The following DAB1 variants were observed in gnomAD, a reference collection of about 807,000 sequenced individuals.
DAB1 encodes the protein disabled homolog 1.
In DAB1, 15 loss-of-function variants were observed where a neutral mutation model predicts 64.6. That is an observed-to-expected ratio of 0.23 (90% CI 0.16 to 0.36). The LOEUF is 0.36. Among genes scored for constraint, DAB1 ranks in the 10% least tolerant of loss-of-function variants. DAB1 has a pLI of 1.00. For missense variants in DAB1, 596 were observed against 706.7 expected, an observed-to-expected ratio of 0.84 and a Z score of 1.78; for synonymous variants, 235 against 251.9, an observed-to-expected ratio of 0.93 and a Z score of 0.64.
chr1:57,265,979 T>C (rs1025294485), intron 2 of DAB1, among the ~76,000 whole-genome samples: 1 of 152,118 alleles, frequency 6.6e-6, no homozygotes, highest in African/African-American at 2.4e-5. Context: ...TGCAGTAAAA[T>C]TCACTTACCC....
chr1:57,259,225 C>T (rs1669992207), intron 2 of DAB1, among the ~76,000 whole-genome samples: 1 of 152,272 alleles, frequency 6.6e-6, no homozygotes, highest in South Asian at 2.1e-4. Flanking sequence ...CCAAGAAACT[C>T]TAGTAAGACC....
intron 2 of DAB1, among the ~76,000 whole-genome samples, chr1:57,217,384 T>A (rs1366749035): frequency 6.6e-6 from 1 of 152,256 alleles, no homozygotes; most frequent in Admixed American, 6.5e-5. Context: ...CTTGCTAGAA[T>A]GAATTGGGCA....
chr1:57,564,361 T>C (rs1645090644), intron 7 of DAB1, among the ~76,000 whole-genome samples: 1 of 151,716 alleles, frequency 6.6e-6, no homozygotes, highest in South Asian at 2.1e-4. Flanking sequence ...AAGCTGAAAA[T>C]TCTAAAAATC....
chr1:57,426,859 A>AATATATATATATATATATATATATAT (rs998763894), upstream of DAB1, among the ~76,000 whole-genome samples: 2 of 122,792 alleles, frequency 1.6e-5, no homozygotes, highest in Non-Finnish European at 3.7e-5. Flanking sequence ...TAAATGAGAT[A>AATATATATATATATATATATATATAT]ATATATATAT....
intron 1 of DAB1, among the ~76,000 whole-genome samples, chr1:57,874,722 G>A (rs1416837983): frequency 1.3e-5 from 2 of 152,164 alleles, no homozygotes; most frequent in East Asian, 1.9e-4. Flanking sequence ...ATGCTCAGAA[G>A]AGTGATGGTC....
chr1:56,998,766 C>G (rs1363443115), intron 14 of DAB1, among the ~76,000 whole-genome samples: 1 of 152,180 alleles, frequency 6.6e-6, no homozygotes, highest in Non-Finnish European at 1.5e-5. Flanking sequence ...CTGAGCCCTC[C>G]ACTTTGGCCA....
At chr1:57,700,126 C>G (rs1040430726) in intron 6 of DAB1, among the ~76,000 whole-genome samples, 2 of 152,112 alleles carry the variant, frequency 1.3e-5, no homozygotes, top group African/African-American at 4.8e-5. Context: ...TCCTCATGTG[C>G]TACCGGTCAT....
intron 2 of DAB1, among the ~76,000 whole-genome samples, chr1:58,522,591 T>C (rs1646282048): frequency 6.6e-6 from 1 of 150,592 alleles, no homozygotes; most frequent in Non-Finnish European, 1.5e-5. Context: ...CAGTTGACCC[T>C]TGAACAACAT....
At chr1:57,651,208 T>C (rs1402045837) in intron 6 of DAB1, among the ~76,000 whole-genome samples, 1 of 151,864 alleles carries the variant, frequency 6.6e-6, no homozygotes, top group Non-Finnish European at 1.5e-5. Context: ...AAAGTCAATA[T>C]AATAAAATAT....
At chr1:57,853,777 G>C (rs1412406089) in intron 1 of DAB1, among the ~76,000 whole-genome samples, 1 of 152,132 alleles carries the variant, frequency 6.6e-6, no homozygotes, top group Non-Finnish European at 1.5e-5. Flanking sequence ...AAATATGTCT[G>C]CAACAGGAAT....
At chr1:57,875,120 T>C (rs1258194241) in intron 1 of DAB1, 1 of 152,152 alleles carries the variant, frequency 6.6e-6, no homozygotes, top group African/African-American at 2.4e-5. Context: ...AGATGAACCA[T>C]TTATTGTGTG....
chr1:57,134,656 C>T (rs937650081), intron 4 of DAB1, among the ~76,000 whole-genome samples: 2 of 151,950 alleles, frequency 1.3e-5, no homozygotes, highest in Non-Finnish European at 2.9e-5. Flanking sequence ...GCACATGTAC[C>T]CCTGAACCTA....
At chr1:58,364,524 T>C (rs981838019) in intron 3 of DAB1, among the ~76,000 whole-genome samples, 1 of 152,184 alleles carries the variant, frequency 6.6e-6, no homozygotes, top group African/African-American at 2.4e-5. Context: ...GCTTAATACC[T>C]GGCACAGTCC....
At chr1:57,658,306 C>CT (rs1165560066) in intron 6 of DAB1, among the ~76,000 whole-genome samples, 31,835 of 131,178 alleles carry the variant, frequency 0.24, 4,411 homozygotes, top group Admixed American at 0.31. Context: ...CAATTTTGTT[C>CT]TTTTTTTTTT....
chr1:58,524,758 G>A (rs1646323862), intron 2 of DAB1, among the ~76,000 whole-genome samples: 1 of 152,120 alleles, frequency 6.6e-6, no homozygotes, highest in Non-Finnish European at 1.5e-5. Context: ...AACATTTCCA[G>A]TATCACTAGC....
intron 2 of DAB1, among the ~76,000 whole-genome samples, chr1:57,246,635 C>T (rs1668898851): frequency 6.6e-6 from 1 of 152,190 alleles, no homozygotes; most frequent in African/African-American, 2.4e-5. Context: ...CACTGTCCTC[C>T]AGACCCCATA....
intron 3 of DAB1, among the ~76,000 whole-genome samples, chr1:57,142,910 T>G (rs1280861197): frequency 6.6e-6 from 1 of 152,160 alleles, no homozygotes; most frequent in Non-Finnish European, 1.5e-5. Context: ...GCCTTTTAAT[T>G]AAGATTTGTT....
chr1:57,804,942 G>A (rs1312331132), intron 6 of DAB1, among the ~76,000 whole-genome samples: 1 of 152,216 alleles, frequency 6.6e-6, no homozygotes. Flanking sequence ...GTTCCCCACA[G>A]CCTCTCGGGT....
intron 4 of DAB1, among the ~76,000 whole-genome samples, chr1:58,183,311 T>A (rs1352619720): frequency 1.3e-5 from 2 of 152,008 alleles, no homozygotes; most frequent in African/African-American, 4.8e-5. Context: ...GTTTATGAGG[T>A]CTCATATTCA....
Sources: gnomAD v4.1 joint callset for allele counts (sites outside exome capture counted in the v4.1 genomes callset) on GRCh38, gnomAD v4.1.1 for gene constraint, MANE v1.5 for transcripts, NCBI Gene and HGNC (gene_info 2026-07-23, HGNC 2026-07-21) for gene names.